The following MKLN1 variants were observed in gnomAD, a reference collection of about 807,000 sequenced individuals.
MKLN1 encodes the protein muskelin 1.
A neutral mutation model predicts 99.0 loss-of-function variants in MKLN1; 18 were observed. The observed-to-expected ratio is 0.18, with a 90% CI of 0.13 to 0.27. The LOEUF (loss-of-function observed/expected upper bound fraction) is 0.27, where lower values mean the gene tolerates loss of function less well. Among genes scored for constraint, MKLN1 ranks in the 10% least tolerant of loss-of-function variants. MKLN1 has a pLI of 1.00. For missense variants in MKLN1, 621 were observed against 875.9 expected, an observed-to-expected ratio of 0.71 and a Z score of 3.67; for synonymous variants, 288 against 293.2, an observed-to-expected ratio of 0.98 and a Z score of 0.18.
At chr7:131,289,555 T>C (rs1798186984) in intron 3 of MKLN1, among the ~76,000 whole-genome samples, 1 of 152,168 alleles carries the variant, frequency 6.6e-6, no homozygotes, top group African/African-American at 2.4e-5. Flanking sequence ...TATCTCTTAC[T>C]ACCAGGAAGC....
chr7:131,130,326 A>T (rs1277543406), intron 1 of MKLN1, among the ~76,000 whole-genome samples: 2 of 152,224 alleles, frequency 1.3e-5, no homozygotes, highest in East Asian at 1.9e-4. Context: ...CTACAGCCTG[A>T]TAAGCTTAGT....
chr7:131,336,474 T>C (rs7790392), intron 1 of MKLN1, among the ~76,000 whole-genome samples: 2,448 of 152,276 alleles, frequency 0.016, 44 homozygotes, highest in African/African-American at 0.053. Context: ...TATTGTTTTC[T>C]GTTTGTCCTA....
At chr7:131,268,540 C>G (rs536034907) in intron 3 of MKLN1, among the ~76,000 whole-genome samples, 11 of 152,310 alleles carry the variant, frequency 7.2e-5, no homozygotes, top group Non-Finnish European at 1.5e-4. Context: ...TAACCTTCTT[C>G]CATCTTGGGG....
chr7:131,173,445 G>A (rs572495573), intron 2 of MKLN1, among the ~76,000 whole-genome samples: 3 of 152,314 alleles, frequency 2.0e-5, no homozygotes, highest in Admixed American at 2.0e-4. Flanking sequence ...TTGGCCGGGC[G>A]TGGTGGCTCA....
intron 3 of MKLN1, among the ~76,000 whole-genome samples, chr7:131,295,459 GAC>G (rs1798276807): frequency 6.6e-6 from 1 of 151,346 alleles, no homozygotes; most frequent in Admixed American, 6.6e-5. Flanking sequence ...AAAGACAAAT[GAC>G]ACAGTAGAAA....
chr7:131,207,249 C>T (rs780589509), intron 3 of MKLN1, among the ~76,000 whole-genome samples: 12 of 152,032 alleles, frequency 7.9e-5, no homozygotes, highest in Non-Finnish European at 1.5e-4. Flanking sequence ...CTCTGTCACC[C>T]GGGCTGGAGT....
At chr7:131,375,383 A>T in intron 1 of MKLN1, 41 bp from the exon 2 acceptor site, 1 of 1,286,970 alleles carries the variant, frequency 7.8e-7, no homozygotes, top group Non-Finnish European at 1.1e-6. Flanking sequence ...GTTTTTGCCT[A>T]TTCATGTTCT....
At chr7:131,326,817 C>G (rs911129283), upstream of MKLN1, 8 of 152,218 alleles carry the variant, frequency 5.3e-5, no homozygotes, top group Admixed American at 2.0e-4. Flanking sequence ...TGGTCATTTC[C>G]TGAGAAACTC....
At chr7:131,376,957 G>GT (rs963581523) in intron 2 of MKLN1, among the ~76,000 whole-genome samples, 1 of 151,988 alleles carries the variant, frequency 6.6e-6, no homozygotes, top group Non-Finnish European at 1.5e-5. Context: ...GTGACTAGCT[G>GT]TTTTTTAACA....
At chr7:131,447,310 C>G (rs566648334) in intron 12 of MKLN1, among the ~76,000 whole-genome samples, 3 of 152,256 alleles carry the variant, frequency 2.0e-5, no homozygotes, top group Non-Finnish European at 2.9e-5. Context: ...GTCTTATTTA[C>G]TCATTTATTT....
At chr7:131,142,346 G>T (rs898102255) in intron 1 of MKLN1, among the ~76,000 whole-genome samples, 23 of 151,768 alleles carry the variant, frequency 1.5e-4, no homozygotes, top group Non-Finnish European at 3.1e-4. Context: ...GGGAGGCGGA[G>T]CTTGCAGTGA....
chr7:131,235,965 C>G (rs1797315576), intron 3 of MKLN1, among the ~76,000 whole-genome samples: 1 of 152,100 alleles, frequency 6.6e-6, no homozygotes, highest in Admixed American at 6.5e-5. Context: ...GGGGAGTGTG[C>G]CCAGATCGAG....
chr7:131,190,233 G>A (rs913088247), intron 2 of MKLN1, among the ~76,000 whole-genome samples: 2 of 152,168 alleles, frequency 1.3e-5, no homozygotes, highest in African/African-American at 4.8e-5. Context: ...CCAGGTGGAT[G>A]GAGCAGGGGG....
Position 131,120,570 on chromosome 7 carries a change from A to G in MKLN1, c.-419+10363A>G, listed in dbSNP as rs1795353122. Reference sequence around the variant, plus strand: ...TCTCAAAAAAAAAAAAAAAAAGAAAAAAGAAAAGAAAATTTTTCTGCCAAA... The same window carrying G: ...TCTCAAAAAAAAAAAAAAAAAGAAAGAAGAAAAGAAAATTTTTCTGCCAAA... On this transcript the variant is annotated intron_variant, in intron 1 of 7. Transcript: ENST00000416992. Among the ~76,000 whole-genome samples, 5 of 151,512 alleles carry G rather than the reference A, an allele frequency of 3.3e-5. No homozygotes were observed. In the South Asian group the frequency reaches 1.0e-3, roughly 32 times the overall value.
rs142261368 is a variant in MKLN1 at position 131,195,522 on chromosome 7, A to T, written c.-296-7335A>T. On this transcript the variant is annotated intron_variant, in intron 2 of 7. Transcript: ENST00000416992. ...TGAGACTGTCTAAAAAAAAAATAAA[A>T]ATGTGTACAGTGGTTCCCAATTTGG... Among the ~76,000 whole-genome samples the T allele has an allele frequency of 2.1e-4, 32 of 152,192 alleles. No individual in the cohort carries two copies. The East Asian group carries it at 6.2e-3, about 29-fold the overall frequency.
At chr7:131,247,717 A>C (rs934398563) in intron 3 of MKLN1, among the ~76,000 whole-genome samples, 1 of 152,162 alleles carries the variant, frequency 6.6e-6, no homozygotes, top group African/African-American at 2.4e-5. Context: ...AGAACCTTAC[A>C]GCTGTTAAAA....
chr7:131,434,558 TTTTG>T (rs1375571075), intron 9 of MKLN1, among the ~76,000 whole-genome samples: 1 of 152,116 alleles, frequency 6.6e-6, no homozygotes, highest in East Asian at 1.9e-4. Context: ...TTATTTTATT[TTTTG>T]TTTATTTGTT....
intron 1 of MKLN1, among the ~76,000 whole-genome samples, chr7:131,333,993 C>T (rs760692448): frequency 5.9e-5 from 9 of 152,150 alleles, no homozygotes; most frequent in Non-Finnish European, 1.2e-4. Flanking sequence ...AGAGACAGGT[C>T]CGTAGAGATG....
intron 1 of MKLN1, among the ~76,000 whole-genome samples, chr7:131,140,595 G>C (rs1174711742): frequency 6.6e-6 from 1 of 152,132 alleles, no homozygotes; most frequent in Non-Finnish European, 1.5e-5. Context: ...TGACATGCCT[G>C]GTCCCCTTCA....
Sources: allele counts gnomAD v4.1 joint callset (sites outside exome capture counted in the v4.1 genomes callset), GRCh38; gene constraint gnomAD v4.1.1; transcripts MANE v1.5; gene names NCBI Gene and HGNC (gene_info 2026-07-23, HGNC 2026-07-21).